RASAL2: variants seen among roughly 807,000 people sequenced by gnomAD.
RASAL2 encodes the protein RAS protein activator like 2.
A neutral mutation model predicts 128.9 loss-of-function variants in RASAL2; 58 were observed. The observed-to-expected ratio is 0.45, with a 90% CI of 0.36 to 0.56. The LOEUF is 0.56. Among genes scored for constraint, RASAL2 ranks in the 20% least tolerant of loss-of-function variants. The probability of loss-of-function intolerance (pLI) is 0.00; values close to 1 mark genes in which losing one functional copy is unlikely to be tolerated. For missense variants in RASAL2, 1,360 were observed against 1,601.6 expected, an observed-to-expected ratio of 0.85 and a Z score of 2.57; for synonymous variants, 561 against 580.8, an observed-to-expected ratio of 0.97 and a Z score of 0.49.
intron 3 of RASAL2, among the ~76,000 whole-genome samples, chr1:178,364,402 C>G (rs1176433269): frequency 6.6e-6 from 1 of 152,110 alleles, no homozygotes; most frequent in Non-Finnish European, 1.5e-5. Context: ...TTCTCTAAAC[C>G]TTTGTTTTCT....
chr1:178,388,537 C>T (rs1672715042), intron 3 of RASAL2, among the ~76,000 whole-genome samples: 1 of 152,146 alleles, frequency 6.6e-6, no homozygotes, highest in Admixed American at 6.6e-5. Context: ...TCTTGTACTG[C>T]AAGCATACAA....
intron 6 of RASAL2, among the ~76,000 whole-genome samples, chr1:178,440,343 C>T (rs1039093682): frequency 6.6e-6 from 1 of 151,952 alleles, no homozygotes; most frequent in Non-Finnish European, 1.5e-5. Flanking sequence ...TGGACCAGCA[C>T]TGTCCAAAAG....
chr1:178,212,253 C>T (rs114801548), intron 1 of RASAL2, among the ~76,000 whole-genome samples: 2,749 of 152,230 alleles, frequency 0.018, 75 homozygotes, highest in African/African-American at 0.059. Context: ...ATGCATTCAA[C>T]ATATATATTT....
intron 4 of RASAL2, among the ~76,000 whole-genome samples, chr1:178,411,090 A>G (rs776455628): frequency 1.2e-4 from 19 of 152,184 alleles, no homozygotes; most frequent in Admixed American, 9.8e-4. Flanking sequence ...ACAATTCGCA[A>G]TTGCAAAAGT....
chr1:178,174,867 T>C (rs540508719), intron 1 of RASAL2, among the ~76,000 whole-genome samples: 3 of 152,276 alleles, frequency 2.0e-5, no homozygotes, highest in South Asian at 2.1e-4. Context: ...CCTTGCCAGA[T>C]TGCAGCTTGT....
At chr1:178,287,523 A>G (rs1487499727) in intron 2 of RASAL2, among the ~76,000 whole-genome samples, 1 of 152,290 alleles carries the variant, frequency 6.6e-6, no homozygotes, top group East Asian at 1.9e-4. Context: ...TATAACAAGG[A>G]TATACATGTT....
intron 1 of RASAL2, among the ~76,000 whole-genome samples, chr1:178,097,363 A>G (rs1180037125): frequency 3.3e-5 from 5 of 152,172 alleles, no homozygotes; most frequent in Non-Finnish European, 7.3e-5. Flanking sequence ...AGGTTGGCCT[A>G]TAATCTTTAT....
intron 1 of RASAL2, among the ~76,000 whole-genome samples, chr1:178,153,440 T>TA (rs1277275500): frequency 1.3e-5 from 2 of 152,206 alleles, no homozygotes; most frequent in African/African-American, 4.8e-5. Flanking sequence ...ACTCTAAAAA[T>TA]AAACTTTGTG....
At chr1:178,400,865 C>T (rs1673579733) in intron 4 of RASAL2, among the ~76,000 whole-genome samples, 1 of 152,138 alleles carries the variant, frequency 6.6e-6, no homozygotes, top group Admixed American at 6.5e-5. Context: ...ATTCTCCTGC[C>T]TCAGCTTCCC....
chr1:178,298,965 C>G (rs1571809108), intron 2 of RASAL2, among the ~76,000 whole-genome samples: 1 of 151,780 alleles, frequency 6.6e-6, no homozygotes, highest in African/African-American at 2.4e-5. Context: ...CATCCCATTA[C>G]TCTACATTGA....
chr1:178,365,328 T>C (rs1053196534), intron 3 of RASAL2, among the ~76,000 whole-genome samples: 5 of 152,202 alleles, frequency 3.3e-5, no homozygotes, highest in African/African-American at 1.2e-4. Flanking sequence ...AGGAAAGTTA[T>C]AGTTTGATAT....
intron 1 of RASAL2, among the ~76,000 whole-genome samples, chr1:178,241,138 CATTT>C (rs1200074148): frequency 6.6e-6 from 1 of 151,930 alleles, no homozygotes; most frequent in East Asian, 1.9e-4. Context: ...TAGGTTTTGA[CATTT>C]ATGCTTCTTT....
chr1:178,173,119 C>T (rs375288469), intron 1 of RASAL2, among the ~76,000 whole-genome samples: 1 of 152,042 alleles, frequency 6.6e-6, no homozygotes, highest in Admixed American at 6.6e-5. Context: ...TTTCTCCATC[C>T]CTTCCTCCCC....
chr1:178,161,476 A>G (rs1373901682), intron 1 of RASAL2, among the ~76,000 whole-genome samples: 1 of 152,216 alleles, frequency 6.6e-6, no homozygotes, highest in East Asian at 1.9e-4. Context: ...TTATGGCTGA[A>G]TATCATTCCA....
In RASAL2 at chr1:178,094,244, C is replaced by A; in HGVS notation, c.-249C>A. 1 of 520,652 alleles carries A rather than the reference C, an allele frequency of 1.9e-6. No individual in the cohort carries two copies. 32.3% of individuals were successfully genotyped at this position (520,652 alleles called of 1,614,324 possible). ...ACACACACCTGAGCCCGGACCCACC[C>A]TTGGTCGGGGCCACGCTGGATCCTC... On this transcript the variant is annotated 5_prime_UTR_variant, in exon 1 of 18. Transcript: ENST00000367649.
intron 1 of RASAL2, among the ~76,000 whole-genome samples, chr1:178,114,244 C>G (rs1659444582): frequency 6.6e-6 from 1 of 152,106 alleles, no homozygotes; most frequent in Non-Finnish European, 1.5e-5. Flanking sequence ...GAGTAGACAT[C>G]CTTGCCATCA....
chr1:178,260,364 ATATAT>A lies in RASAL2; in HGVS notation c.203-23199_203-23195del, dbSNP rs1271303967. On this transcript the variant is annotated intron_variant, in intron 1 of 17. Coordinates refer to ENST00000367649, the MANE Select transcript of RASAL2 (RefSeq NM_170692.4). ...GAGACTCGTCTCAAAAAAAAAAAAAATATATATATATATATATATATATATATATA... is the reference window on the plus strand; with the variant it reads ...GAGACTCGTCTCAAAAAAAAAAAAAAATATATATATATATATATATATATA... Among the ~76,000 whole-genome samples the A allele has an allele frequency of 1.2e-3, 23 of 19,620 alleles. 4 individuals carry two copies. Among genetic ancestry groups the A allele is most frequent in the African/African-American group, 2.2e-3 (13 of 5,828 alleles). The allele number at this position is 19,620 out of a possible 152,430, so 12.9% of individuals were successfully genotyped here.
chr1:178,370,382 A>C (rs1284648514), intron 3 of RASAL2, among the ~76,000 whole-genome samples: 1 of 152,188 alleles, frequency 6.6e-6, no homozygotes, highest in Admixed American at 6.5e-5. Context: ...AAGTTATTAC[A>C]AAGGAATTAG....
At position 178,182,564 on chromosome 1, in the gene RASAL2, T is replaced by G. The variant is rs1038472503; in HGVS notation, c.202+87870T>G. 2.6e-5 allele frequency among the ~76,000 whole-genome samples: 4 copies of G among 152,324 alleles called. No individual in the cohort carries two copies. The South Asian group carries it at 8.3e-4, about 32-fold the overall frequency. ...TGTGACCACCTGTATCTATATAAGC[T>G]AAATGTAAGTTCATATTAATGTTTC... On this transcript the variant is annotated intron_variant, in intron 1 of 17. Transcript: ENST00000367649.
Sources: allele counts gnomAD v4.1 joint callset (sites outside exome capture counted in the v4.1 genomes callset), GRCh38; gene constraint gnomAD v4.1.1; transcripts MANE v1.5; gene names NCBI Gene and HGNC (gene_info 2026-07-23, HGNC 2026-07-21).